SLC24A4: variants seen among roughly 807,000 people sequenced by gnomAD.
SLC24A4 encodes the protein solute carrier family 24 member 4.
Under a neutral mutation model 79.0 loss-of-function variants are expected in SLC24A4, and 53 were observed. The observed-to-expected ratio is 0.67, with a 90% CI of 0.54 to 0.84. The LOEUF (loss-of-function observed/expected upper bound fraction) is 0.84. SLC24A4 is among the 40% of genes least tolerant of loss of function. SLC24A4 has a pLI of 0.00. For synonymous variants in SLC24A4, 323 were observed against 323.8 expected (o/e 1.00, Z 0.03); for missense variants, 731 against 822.0 (o/e 0.89, Z 1.35).
Position 92,370,907 on chromosome 14 carries a change from T to A in SLC24A4, c.241+44929T>A, listed in dbSNP as rs1448825237. On this transcript the variant is annotated intron_variant, in intron 2 of 16. Coordinates refer to ENST00000532405, the MANE Select transcript of SLC24A4 (RefSeq NM_153646.4). ...GCGGCACCAGACTTCTCAGCAGCAG[T>A]GCTGGATGCTAAGAGGCTGTGGTGA... Among the ~76,000 whole-genome samples the A allele has an allele frequency of 2.6e-5, 4 of 152,228 alleles. No homozygotes were observed. The East Asian group carries it at 7.7e-4, about 29-fold the overall frequency.
intron 2 of SLC24A4, among the ~76,000 whole-genome samples, chr14:92,417,493 G>A (rs190373640): frequency 3.1e-3 from 469 of 152,230 alleles, no homozygotes; most frequent in African/African-American, 0.011. Context: ...TACAGTAAGC[G>A]AAGGTTATTA....
intron 2 of SLC24A4, among the ~76,000 whole-genome samples, chr14:92,410,208 G>A (rs920990704): frequency 6.6e-6 from 1 of 152,054 alleles, no homozygotes; most frequent in Non-Finnish European, 1.5e-5. Context: ...GAGAGATGAG[G>A]TCTCACTCTG....
intron 10 of SLC24A4, among the ~76,000 whole-genome samples, 159 bp downstream of exon 10, chr14:92,449,375 G>A (rs1893012898): frequency 6.6e-6 from 1 of 151,924 alleles, no homozygotes; most frequent in South Asian, 2.1e-4. Context: ...TTTGACCACA[G>A]GTGCCCTAAG....
chr14:92,447,471 T>C (rs754352546), intron 9 of SLC24A4, 47 bp downstream of exon 9: 2 of 1,544,194 alleles, frequency 1.3e-6, no homozygotes, highest in Non-Finnish European at 1.8e-6. Flanking sequence ...CTTGCCCCAC[T>C]GCCTGCTACA....
At chr14:92,430,439 G>A (rs1891803205) in intron 2 of SLC24A4, among the ~76,000 whole-genome samples, 1 of 152,244 alleles carries the variant, frequency 6.6e-6, no homozygotes, top group African/African-American at 2.4e-5. Context: ...CCTCCGAATG[G>A]CAGATTGTAG....
intron 11 of SLC24A4, among the ~76,000 whole-genome samples, chr14:92,456,124 G>A (rs1179289826): frequency 6.6e-6 from 1 of 152,242 alleles, no homozygotes; most frequent in Non-Finnish European, 1.5e-5. Flanking sequence ...AATGATGGCT[G>A]TCACCAGGGC....
chr14:92,409,967 C>T (rs1890618511), intron 2 of SLC24A4, among the ~76,000 whole-genome samples: 1 of 152,114 alleles, frequency 6.6e-6, no homozygotes, highest in Non-Finnish European at 1.5e-5. Flanking sequence ...ACCACGTTTT[C>T]ACTTATAAGT....
In SLC24A4 at chr14:92,433,922, G is replaced by T; in HGVS notation, c.252G>T (p.Glu84Asp). Residue 84 changes from glutamate to aspartate, a missense_variant, in exon 3 of 17, where the codon GAG (glutamate) becomes GAT (aspartate). Physicochemically the swap from Glu to Asp is conservative, Grantham distance 45. Coordinates refer to ENST00000532405, the MANE Select transcript of SLC24A4 (RefSeq NM_153646.4). ...AKNCTDPAIH[E>D]FPTDLFSNKE... ...CTTCCTGTCTTCCAGCGATTCACGA[G>T]TTCCCCACAGATCTGTTCTCCAATA... is the stretch of plus-strand genomic sequence containing the variant. 1 of 1,614,056 alleles carries T rather than the reference G, an allele frequency of 6.2e-7. No homozygotes were observed. The highest frequency in any genetic ancestry group is 1.1e-5 in the South Asian group (1 of 91,082).
chr14:92,449,303 C>G lies in SLC24A4; in HGVS notation c.880+87C>G. ...GTGTACACACACACACACACACACA[C>G]ACACACACACACACACACACCCTCT... On this transcript the variant is annotated intron_variant, in intron 10 of 16. Coordinates refer to ENST00000532405, the MANE Select transcript of SLC24A4 (RefSeq NM_153646.4). The G allele has an allele frequency of 4.6e-6, 6 of 1,294,254 alleles. No individual in the cohort carries two copies. In the South Asian group the frequency reaches 8.4e-5, roughly 18 times the overall value. The allele number at this position is 1,294,254 out of a possible 1,614,324, so 80.2% of individuals were successfully genotyped here. A position where few individuals can be genotyped will look rare whatever the true frequency, so the allele number is the denominator to read the frequency against.
intron 12 of SLC24A4, among the ~76,000 whole-genome samples, chr14:92,479,721 A>G (rs1187214261): frequency 1.3e-5 from 2 of 152,214 alleles, no homozygotes; most frequent in Non-Finnish European, 2.9e-5. Flanking sequence ...CTGGCTTCAT[A>G]GAATAAATTG....
chr14:92,435,875 G>A (rs1490048932), intron 3 of SLC24A4, among the ~76,000 whole-genome samples: 1 of 152,124 alleles, frequency 6.6e-6, no homozygotes, highest in Non-Finnish European at 1.5e-5. Flanking sequence ...AAGGGACTGT[G>A]GATGTGGCTA....
chr14:92,347,817 C>T (rs1245168267), intron 2 of SLC24A4, among the ~76,000 whole-genome samples: 1 of 152,080 alleles, frequency 6.6e-6, no homozygotes, highest in African/African-American at 2.4e-5. Flanking sequence ...ATCCCAGCTA[C>T]TCAGGAGGCT....
intron 2 of SLC24A4, among the ~76,000 whole-genome samples, chr14:92,407,423 C>A (rs1002164353): frequency 2.6e-5 from 4 of 152,184 alleles, no homozygotes; most frequent in African/African-American, 9.7e-5. Context: ...ATCTTTATAG[C>A]AGTACCCCAC....
intron 12 of SLC24A4, among the ~76,000 whole-genome samples, chr14:92,470,886 G>A (rs1894406059): frequency 6.6e-6 from 1 of 152,214 alleles, no homozygotes; most frequent in Non-Finnish European, 1.5e-5. Context: ...CCCTGAGAAA[G>A]GCTGCCTTCT....
In SLC24A4 at chr14:92,492,959, A is replaced by AACACACAC. The variant is rs551206469; in HGVS notation, c.1717-465_1717-458dup. On this transcript the variant is annotated intron_variant, in intron 16 of 16. Coordinates refer to ENST00000532405, the MANE Select transcript of SLC24A4 (RefSeq NM_153646.4). ...TTCCGTGCTTTAACCCTCTACCCCA[A>AACACACAC]ACACACACACACACACACACACACA... The AACACACAC allele has an allele frequency of 3.5e-3, 1,060 of 299,322 alleles. 19 individuals are homozygous for AACACACAC. The highest frequency in any genetic ancestry group is 0.016 in the African/African-American group (561 of 34,064). The allele number at this position is 299,322 out of a possible 1,614,324, so 18.5% of individuals were successfully genotyped here. A position where few individuals can be genotyped will look rare whatever the true frequency, so the allele number is the denominator to read the frequency against.
At chr14:92,416,476 C>T (rs769528303) in intron 2 of SLC24A4, among the ~76,000 whole-genome samples, 1 of 152,190 alleles carries the variant, frequency 6.6e-6, no homozygotes, top group Non-Finnish European at 1.5e-5. Context: ...CAGAACTGAA[C>T]TTTCCAGACT....
intron 5 of SLC24A4, among the ~76,000 whole-genome samples, 178 bp from the exon 6 acceptor site, chr14:92,442,535 G>A (rs1892555946): frequency 6.6e-6 from 1 of 152,174 alleles, no homozygotes; most frequent in African/African-American, 2.4e-5. Flanking sequence ...GGAGTAGCTG[G>A]TCCCTGGTGG....
rs750254557 is a variant in SLC24A4 at position 92,493,651 on chromosome 14, G to A, written c.*23G>A. ...TAGCGCTGAGTCGCGGCCCCTGGGAGCTGATCTGGACACCCTGTGACACTG... is the reference window on the plus strand; with the variant it reads ...TAGCGCTGAGTCGCGGCCCCTGGGAACTGATCTGGACACCCTGTGACACTG... On this transcript the variant is annotated 3_prime_UTR_variant, in exon 17 of 17. Transcript: ENST00000532405. The A allele has an allele frequency of 6.2e-7, 1 of 1,612,868 alleles. No homozygotes were observed. Among genetic ancestry groups the A allele is most frequent in the South Asian group, 1.1e-5 (1 of 90,882 alleles).
At chr14:92,371,479 G>C (rs1888147815) in intron 2 of SLC24A4, among the ~76,000 whole-genome samples, 1 of 152,138 alleles carries the variant, frequency 6.6e-6, no homozygotes, top group African/African-American at 2.4e-5. Context: ...TAATAAAAAA[G>C]TGGAGTATAG....
Sources: allele counts gnomAD v4.1 joint callset (sites outside exome capture counted in the v4.1 genomes callset), GRCh38; gene constraint gnomAD v4.1.1; transcripts MANE v1.5; gene names NCBI Gene and HGNC (gene_info 2026-07-23, HGNC 2026-07-21).